Variants in CLEC9A observed in about 807,000 individuals in gnomAD.
CLEC9A encodes the protein C-type lectin domain containing 9A, also known as C-type lectin domain family 9 member A.
A neutral mutation model predicts 30.0 loss-of-function variants in CLEC9A; 24 were observed. The ratio of observed to expected loss-of-function variants is 0.80; its 90% confidence interval spans 0.58 to 1.13. The LOEUF is 1.13. CLEC9A is among the 50% of genes most tolerant of loss of function. The pLI, the probability that CLEC9A is intolerant of heterozygous loss-of-function variation, is 0.00. For missense variants in CLEC9A, 251 were observed against 280.9 expected (o/e 0.89, Z 0.76); for synonymous variants, 111 against 96.8 (o/e 1.15, Z -0.86).
At chr12:10,032,018 C>T (rs1019954006) in intron 1 of CLEC9A, among the ~76,000 whole-genome samples, 1 of 152,002 alleles carries the variant, frequency 6.6e-6, no homozygotes, top group Non-Finnish European at 1.5e-5. Context: ...AATGTCATAC[C>T]TTAGGAGGGA....
chr12:10,051,756 T>C (rs1865894277), intron 2 of CLEC9A, among the ~76,000 whole-genome samples: 1 of 152,242 alleles, frequency 6.6e-6, no homozygotes, highest in Non-Finnish European at 1.5e-5. Flanking sequence ...AAGTCTCAAA[T>C]TTCTGATGCT....
rs142742343 is a variant in CLEC9A at position 10,045,314 on chromosome 12, C to A, written c.-163+3694C>A. On this transcript the variant is annotated intron_variant, in intron 2 of 8. Transcript: ENST00000355819. ...ACTGCTACTGAGCTTTTCAGATATA[C>A]ATACCTTGTACTACCAAGCAGGTTG... Among the ~76,000 whole-genome samples, 11 of 152,292 alleles carry A rather than the reference C, an allele frequency of 7.2e-5. 2 individuals are homozygous for A. The highest frequency in any genetic ancestry group is 2.4e-4 in the African/African-American group (10 of 41,560).
At chr12:10,062,275 C>A (rs1866004829) in intron 6 of CLEC9A, among the ~76,000 whole-genome samples, 1 of 152,138 alleles carries the variant, frequency 6.6e-6, no homozygotes, top group South Asian at 2.1e-4. Flanking sequence ...ATTTCTTGGC[C>A]TAAATACAGG....
chr12:10,049,080 G>A (rs555370754), intron 2 of CLEC9A, among the ~76,000 whole-genome samples: 32 of 152,134 alleles, frequency 2.1e-4, no homozygotes, highest in African/African-American at 7.5e-4. Flanking sequence ...TTAATATCCT[G>A]GTACATCTTC....
intron 1 of CLEC9A, among the ~76,000 whole-genome samples, chr12:10,031,279 T>C (rs1776282391): frequency 6.6e-6 from 1 of 152,248 alleles, no homozygotes; most frequent in African/African-American, 2.4e-5. Context: ...GGCCTGATAC[T>C]GCAGGCAGTA....
In CLEC9A at chr12:10,063,069, C is replaced by T; in HGVS notation, c.334C>T (p.Pro112Ser). The change falls in exon 7 of 9, where the codon CCT (proline) becomes TCT (serine). Residue 112 changes from proline (P) to serine (S), a missense_variant. By Grantham distance (74) the Pro-to-Ser change is moderately conservative (BLOSUM62 -1). Coordinates refer to ENST00000355819, the MANE Select transcript of CLEC9A (RefSeq NM_207345.4). ...TATATTCAAAGCCCATAACAGCAGTCCTTGTCCAAACAATTGGATTCAGAA... is the reference window on the plus strand; with the variant it reads ...TATATTCAAAGCCCATAACAGCAGTTCTTGTCCAAACAATTGGATTCAGAA... Reference protein sequence around the residue: ...NSLSSAHNSSPCPNNWIQNRE... With the variant: ...NSLSSAHNSSSCPNNWIQNRE... 1 of 1,604,210 alleles carries T rather than the reference C, an allele frequency of 6.2e-7. No homozygotes were observed. Among genetic ancestry groups the T allele is most frequent in the Non-Finnish European group, 8.5e-7 (1 of 1,176,870 alleles).
rs923996562 is a variant in CLEC9A at position 10,039,787 on chromosome 12, G to T, written c.-317-1679G>T. Among the ~76,000 whole-genome samples the T allele has an allele frequency of 2.0e-5, 3 of 151,814 alleles. No individual in the cohort carries two copies. The South Asian group carries it at 6.3e-4, about 32-fold the overall frequency. On this transcript the variant is annotated intron_variant, in intron 1 of 8. Coordinates refer to ENST00000355819, the MANE Select transcript of CLEC9A (RefSeq NM_207345.4). ...TTCATTTATCATCTTTTATTTCTTCGTTATTTACCTAATTATCACAAGTAC... is the reference window on the plus strand; with the variant it reads ...TTCATTTATCATCTTTTATTTCTTCTTTATTTACCTAATTATCACAAGTAC...
At chr12:10,051,490 C>T (rs1165326338) in intron 2 of CLEC9A, among the ~76,000 whole-genome samples, 1 of 152,126 alleles carries the variant, frequency 6.6e-6, no homozygotes, top group Non-Finnish European at 1.5e-5. Flanking sequence ...TATGTCACAC[C>T]CCTTTTTGGT....
intron 1 of CLEC9A, among the ~76,000 whole-genome samples, chr12:10,040,608 A>G (rs567347297): frequency 5.8e-4 from 88 of 151,286 alleles, no homozygotes; most frequent in Non-Finnish European, 1.0e-3. Flanking sequence ...CCGCCACCAC[A>G]CCCGGCTAAT....
At chr12:10,033,461 G>A (rs1204553253) in intron 1 of CLEC9A, among the ~76,000 whole-genome samples, 1 of 152,094 alleles carries the variant, frequency 6.6e-6, no homozygotes, top group African/African-American at 2.4e-5. Context: ...TTGGCATATT[G>A]ACTTTGATAT....
At chr12:10,050,628 A>G (rs757973307) in intron 2 of CLEC9A, among the ~76,000 whole-genome samples, 4 of 152,254 alleles carry the variant, frequency 2.6e-5, no homozygotes, top group Admixed American at 6.5e-5. Flanking sequence ...CAATGGCTCC[A>G]TACAATGAAA....
intron 7 of CLEC9A, 43 bp downstream of exon 7, chr12:10,063,249 T>A: frequency 1.4e-6 from 2 of 1,457,718 alleles, no homozygotes; most frequent in Non-Finnish European, 1.8e-6. Context: ...GAAAATATCA[T>A]TTTACTTATT....
At position 10,053,208 on chromosome 12, in the gene CLEC9A, T is replaced by C. The variant is rs1419085180; in HGVS notation, c.91+430T>C. On this transcript the variant is annotated intron_variant, in intron 4 of 8. Transcript: ENST00000355819. ...GATTAGTTCTGTCTGTATCGTTTAATATCTATGTTAATTCCTGTCTGCTGG... is the reference window on the plus strand; with the variant it reads ...GATTAGTTCTGTCTGTATCGTTTAACATCTATGTTAATTCCTGTCTGCTGG... 2.6e-5 allele frequency among the ~76,000 whole-genome samples: 4 copies of C among 152,226 alleles called. No homozygotes were observed. In the East Asian group the frequency reaches 7.7e-4, roughly 29 times the overall value.
rs1330316942 is a variant in CLEC9A at position 10,061,131 on chromosome 12, G to A, written c.177G>A (p.Leu59=). The A allele has an allele frequency of 3.1e-6, 5 of 1,609,372 alleles. No individual in the cohort carries two copies. In the Admixed American group the frequency reaches 6.8e-5, roughly 22 times the overall value. Residue 59 remains leucine (L), a synonymous_variant, in exon 6 of 9, where the codon TTG becomes TTA. Transcript: ENST00000355819. The part of the protein sequence containing the change: ...TASIFLGVKL[L]QVSTIAMQQQ... The stretch of plus-strand genomic sequence containing the variant: ...AATGATTGCTATCATGTGAAGTGTT[G>A]CAGGTGTCCACCATTGCGATGCAGC...
intron 1 of CLEC9A, among the ~76,000 whole-genome samples, chr12:10,032,391 T>TTC (rs1296147659): frequency 6.3e-5 from 9 of 143,298 alleles, no homozygotes; most frequent in African/African-American, 2.1e-4. Flanking sequence ...AGGGATTTCT[T>TTC]TTTTTTTTTT....
chr12:10,065,448 C>T (rs902673922), intron 8 of CLEC9A, 52 bp from the exon 9 acceptor site: 7 of 1,605,498 alleles, frequency 4.4e-6, no homozygotes, highest in Non-Finnish European at 6.0e-6. Context: ...CCCTCAGGAG[C>T]ATTTCTGAAA....
chr12:10,056,509 G>A (rs1028034428), intron 5 of CLEC9A, among the ~76,000 whole-genome samples: 1 of 152,050 alleles, frequency 6.6e-6, no homozygotes. Context: ...ACCTGCACAT[G>A]TACCCCCTGA....
intron 1 of CLEC9A, among the ~76,000 whole-genome samples, chr12:10,034,239 T>C (rs1429170801): frequency 6.6e-6 from 1 of 152,210 alleles, no homozygotes; most frequent in African/African-American, 2.4e-5. Context: ...ATGTAACTGA[T>C]AAAAGCATAT....
Position 10,030,756 on chromosome 12 carries a change from C to T in CLEC9A, c.-534C>T, listed in dbSNP as rs1382711865. The stretch of plus-strand genomic sequence containing the variant: ...ACTGGCAACATGTTTTGATTCTTCT[C>T]AAATAACTCGCAAGCTCTTGTGAAG... On this transcript the variant is annotated 5_prime_UTR_variant, in exon 1 of 9. Coordinates refer to ENST00000355819, the MANE Select transcript of CLEC9A (RefSeq NM_207345.4). The T allele has an allele frequency of 7.9e-5, 12 of 152,240 alleles. No homozygotes were observed. Among genetic ancestry groups the T allele is most frequent in the Admixed American group, 6.5e-4 (10 of 15,284 alleles). 9.4% of individuals were successfully genotyped at this position (152,240 alleles called of 1,614,324 possible). A position where few individuals can be genotyped will look rare whatever the true frequency, so the allele number is the denominator to read the frequency against.
Sources: allele counts gnomAD v4.1 joint callset (sites outside exome capture counted in the v4.1 genomes callset), GRCh38; gene constraint gnomAD v4.1.1; transcripts MANE v1.5; gene names NCBI Gene and HGNC (gene_info 2026-07-23, HGNC 2026-07-21).